Variants in SPATA13 observed in about 807,000 individuals in gnomAD.
SPATA13 encodes the protein spermatogenesis-associated protein 13.
A neutral mutation model predicts 104.0 loss-of-function variants in SPATA13; 50 were observed. That is an observed-to-expected ratio of 0.48 (90% confidence interval 0.38 to 0.61). SPATA13 has a LOEUF of 0.61. Among genes scored for constraint, SPATA13 ranks in the 20% least tolerant of loss-of-function variants. SPATA13 has a pLI of 0.00. For missense variants in SPATA13, 1,524 were observed against 1,690.6 expected (o/e 0.90, Z 1.73); for synonymous variants, 606 against 667.5 (o/e 0.91, Z 1.42).
intron 4 of SPATA13, among the ~76,000 whole-genome samples, chr13:24,280,703 C>A (rs1330230731): frequency 6.6e-6 from 1 of 152,092 alleles, no homozygotes. Flanking sequence ...GTGGTCTGGG[C>A]AGCCGCTCCA....
In SPATA13 at chr13:23,989,751, C is replaced by T. The variant is rs201857953; in HGVS notation, c.-147+5818C>T. Reference sequence around the variant, plus strand: ...TAAAATTCTATGCTGAAATCTAACCCCCAATGTGATGGTATCAGAAGTGAG... The same window carrying T: ...TAAAATTCTATGCTGAAATCTAACCTCCAATGTGATGGTATCAGAAGTGAG... On this transcript the variant is annotated intron_variant, in intron 2 of 14. Coordinates refer to the SPATA13 transcript ENST00000424834. Among the ~76,000 whole-genome samples, 13 of 152,250 alleles carry T rather than the reference C, an allele frequency of 8.5e-5. No individual in the cohort carries two copies. The East Asian group carries it at 2.5e-3, about 29-fold the overall frequency.
chr13:24,030,095 T>C lies in SPATA13; in HGVS notation c.-112+12394T>C, dbSNP rs201962067. Among the ~76,000 whole-genome samples the C allele has an allele frequency of 1.4e-4, 21 of 150,264 alleles. No homozygotes were observed. The Admixed American group carries it at 1.4e-3, about 10-fold the overall frequency. ...ACACACACACACACACACACATACATACATACATACATATACCCTCCCCTA... is the reference window on the plus strand; with the variant it reads ...ACACACACACACACACACACATACACACATACATACATATACCCTCCCCTA... On this transcript the variant is annotated intron_variant, in intron 3 of 14. Transcript: ENST00000424834.
chr13:24,266,247 A>G (rs1874290346), intron 4 of SPATA13, among the ~76,000 whole-genome samples: 1 of 152,230 alleles, frequency 6.6e-6, no homozygotes, highest in Non-Finnish European at 1.5e-5. Context: ...AAAATTGATC[A>G]TAACATCCTA....
chr13:24,253,888 G>A (rs1246963378), intron 4 of SPATA13, among the ~76,000 whole-genome samples: 1 of 152,210 alleles, frequency 6.6e-6, no homozygotes, highest in Non-Finnish European at 1.5e-5. Flanking sequence ...CGAGGATGTT[G>A]CAGGCTGGGA....
chr13:24,267,307 C>T (rs1055497928), intron 4 of SPATA13, among the ~76,000 whole-genome samples: 6 of 152,148 alleles, frequency 3.9e-5, no homozygotes, highest in Admixed American at 3.9e-4. Flanking sequence ...GTTGTTGGGT[C>T]ACATCCTTTG....
At chr13:24,131,512 G>A (rs1881388503) in intron 3 of SPATA13, among the ~76,000 whole-genome samples, 1 of 152,168 alleles carries the variant, frequency 6.6e-6, no homozygotes, top group African/African-American at 2.4e-5. Flanking sequence ...CAGATAAAAG[G>A]ATTTTGTGCT....
intron 3 of SPATA13, among the ~76,000 whole-genome samples, chr13:24,085,074 G>A (rs1488148189): frequency 6.6e-6 from 1 of 150,588 alleles, no homozygotes; most frequent in Non-Finnish European, 1.5e-5. Context: ...CCTTCGTGGC[G>A]ATGTTGATCT....
chr13:24,008,320 A>G (rs187287502), intron 2 of SPATA13, among the ~76,000 whole-genome samples: 5 of 152,278 alleles, frequency 3.3e-5, no homozygotes, highest in East Asian at 1.9e-4. Context: ...GTTTTCCTTC[A>G]TCTCAGAGAA....
intron 5 of SPATA13, among the ~76,000 whole-genome samples, chr13:24,285,892 G>A (rs1355945075): frequency 1.3e-5 from 2 of 152,116 alleles, no homozygotes; most frequent in African/African-American, 4.8e-5. Context: ...TCTTGGTTGG[G>A]CTGGTCTTGA....
intron 1 of SPATA13, among the ~76,000 whole-genome samples, chr13:24,193,794 A>G (rs920253529): frequency 2.6e-5 from 4 of 152,176 alleles, no homozygotes; most frequent in South Asian, 2.1e-4. Context: ...TCAGTGAGCA[A>G]TTGTTGGCTG....
intron 10 of SPATA13, among the ~76,000 whole-genome samples, chr13:24,296,070 C>G (rs1190369116): frequency 1.3e-5 from 2 of 152,212 alleles, no homozygotes; most frequent in Non-Finnish European, 2.9e-5. Flanking sequence ...TTGGTCAGAA[C>G]TCACTCTCCC....
chr13:24,046,343 A>AGC (rs1318857648), intron 3 of SPATA13, among the ~76,000 whole-genome samples: 1 of 148,420 alleles, frequency 6.7e-6, no homozygotes, highest in Non-Finnish European at 1.5e-5. Context: ...ACCAGGCTGG[A>AGC]GTGCAGTGGT....
At chr13:24,160,407 G>C (rs2138482888), upstream of SPATA13, among the ~76,000 whole-genome samples, 1 of 152,144 alleles carries the variant, frequency 6.6e-6, no homozygotes, top group East Asian at 1.9e-4. Flanking sequence ...CACCACGCCC[G>C]GTTAATTTTT....
At chr13:23,984,307 T>C (rs1875047839) in intron 2 of SPATA13, among the ~76,000 whole-genome samples, 1 of 152,186 alleles carries the variant, frequency 6.6e-6, no homozygotes, top group Non-Finnish European at 1.5e-5. Context: ...GTCATCAGAG[T>C]CTCAAAGTAC....
intron 3 of SPATA13, among the ~76,000 whole-genome samples, chr13:24,111,292 A>G (rs1363127086): frequency 6.6e-6 from 1 of 151,974 alleles, no homozygotes; most frequent in African/African-American, 2.4e-5. Context: ...CATCCTCTCC[A>G]TCTCCGTTGC....
chr13:24,301,976 C>A (rs1025781005), intron 12 of SPATA13, among the ~76,000 whole-genome samples: 11 of 152,166 alleles, frequency 7.2e-5, no homozygotes, highest in African/African-American at 2.7e-4. Context: ...GAAATCATAT[C>A]ATTTCCCCAG....
chr13:24,199,565 T>C (rs1040298540), intron 1 of SPATA13, among the ~76,000 whole-genome samples: 1 of 152,194 alleles, frequency 6.6e-6, no homozygotes, highest in Admixed American at 6.5e-5. Context: ...AATTTATCTG[T>C]GGTTTGTCTG....
chr13:24,187,254 TC>T (rs1179229660), intron 1 of SPATA13, among the ~76,000 whole-genome samples: 2 of 152,070 alleles, frequency 1.3e-5, no homozygotes, highest in African/African-American at 4.8e-5. Context: ...GTTGCAGTCA[TC>T]CCTGCCTCAG....
chr13:24,145,674 C>T (rs1227629584), intron 3 of SPATA13, among the ~76,000 whole-genome samples: 1 of 152,164 alleles, frequency 6.6e-6, no homozygotes, highest in African/African-American at 2.4e-5. Context: ...GTATTAGTAA[C>T]TGAGGTGAGG....
Sources: gnomAD v4.1 joint callset for allele counts (sites outside exome capture counted in the v4.1 genomes callset) on GRCh38, gnomAD v4.1.1 for gene constraint, MANE v1.5 for transcripts, NCBI Gene and HGNC (gene_info 2026-07-23, HGNC 2026-07-21) for gene names.